GRHL2: variants seen among roughly 807,000 people sequenced by gnomAD.
The protein encoded by GRHL2 is grainyhead like transcription factor 2.
In GRHL2, 21 loss-of-function variants were observed where a neutral mutation model predicts 83.8. The observed-to-expected ratio is 0.25, with a 90% CI of 0.18 to 0.36. The LOEUF (loss-of-function observed/expected upper bound fraction) is 0.36. GRHL2 is among the 10% of genes least tolerant of loss of function. The pLI, the probability that GRHL2 is intolerant of heterozygous loss-of-function variation, is 1.00. For missense variants in GRHL2, 623 were observed against 781.8 expected, an observed-to-expected ratio of 0.80 and a Z score of 2.42; for synonymous variants, 280 against 278.9, an observed-to-expected ratio of 1.00 and a Z score of -0.04.
chr8:101,554,331 T>C lies in GRHL2; in HGVS notation c.284+1549T>C, dbSNP rs543903697. Among the ~76,000 whole-genome samples the C allele has an allele frequency of 3.9e-5, 6 of 152,310 alleles. No homozygotes were observed. In the East Asian group the frequency reaches 7.7e-4, roughly 20 times the overall value. On this transcript the variant is annotated intron_variant, in intron 3 of 15. Transcript: ENST00000646743. ...CTTTTCCTTGACCCAGCCAGTTTTA[T>C]TGAGTTAAACTTGTGCTATCTGCTT...
chr8:101,576,259 G>T (rs1390272473), intron 6 of GRHL2, among the ~76,000 whole-genome samples: 1 of 152,164 alleles, frequency 6.6e-6, no homozygotes, highest in Admixed American at 6.5e-5. Flanking sequence ...TGTCACCCAG[G>T]CTGGAGTACA....
chr8:101,538,520 G>A (rs553093682), intron 1 of GRHL2, among the ~76,000 whole-genome samples: 2 of 152,336 alleles, frequency 1.3e-5, no homozygotes, highest in Non-Finnish European at 2.9e-5. Context: ...TCCAAAGCAG[G>A]ACCTTGGGAT....
chr8:101,516,769 A>G (rs1203997333), intron 1 of GRHL2, among the ~76,000 whole-genome samples: 2 of 152,068 alleles, frequency 1.3e-5, no homozygotes, highest in Non-Finnish European at 2.9e-5. Flanking sequence ...TTGATCTATC[A>G]TTTTACGTAT....
At chr8:101,561,131 A>G (rs1307353608) in intron 4 of GRHL2, among the ~76,000 whole-genome samples, 2 of 150,844 alleles carry the variant, frequency 1.3e-5, no homozygotes, top group African/African-American at 4.9e-5. Flanking sequence ...TCTTTCATGT[A>G]GGTTTCTGAT....
chr8:101,522,107 T>C (rs1238954156), intron 1 of GRHL2, among the ~76,000 whole-genome samples: 2 of 152,156 alleles, frequency 1.3e-5, no homozygotes, highest in Non-Finnish European at 2.9e-5. Context: ...TTTTTTTAAA[T>C]ATATATTTTT....
rs76015200 is a variant in GRHL2, at chr8:101,589,946, G to A, written c.1004-9111G>A. Reference sequence around the variant, plus strand: ...GTAAGTTCTAATCCCAGCCTGGCCCGTTACAAACTGACTGTGGGGGATGGG... The same window carrying A: ...GTAAGTTCTAATCCCAGCCTGGCCCATTACAAACTGACTGTGGGGGATGGG... On this transcript the variant is annotated intron_variant, in intron 7 of 15. Coordinates refer to ENST00000646743, the MANE Select transcript of GRHL2 (RefSeq NM_024915.4). Among the ~76,000 whole-genome samples, 50 of 152,252 alleles carry A rather than the reference G, an allele frequency of 3.3e-4. No homozygotes were observed. In the East Asian group the frequency reaches 5.8e-3, roughly 18 times the overall value.
intron 1 of GRHL2, among the ~76,000 whole-genome samples, chr8:101,535,467 T>G (rs6990671): frequency 6.6e-6 from 1 of 152,134 alleles, no homozygotes; most frequent in African/African-American, 2.4e-5. Flanking sequence ...GGCTTTTTAT[T>G]TGATGGAATG....
At chr8:101,501,747 T>C (rs1810233800) in intron 1 of GRHL2, among the ~76,000 whole-genome samples, 2 of 152,142 alleles carry the variant, frequency 1.3e-5, no homozygotes, top group African/African-American at 4.8e-5. Context: ...AGTGAGCAAG[T>C]ATAGGATTTT....
chr8:101,669,935 G>C (rs4734574), downstream of GRHL2, among the ~76,000 whole-genome samples: 151,463 of 152,324 alleles, frequency 0.99, 75,340 homozygotes, highest in Middle Eastern at 1. Flanking sequence ...TCCAGGGCTT[G>C]TGTGTGACCA....
chr8:101,555,765 G>C (rs1811477730), intron 3 of GRHL2, among the ~76,000 whole-genome samples: 1 of 152,130 alleles, frequency 6.6e-6, no homozygotes, highest in Non-Finnish European at 1.5e-5. Flanking sequence ...TACACATAAA[G>C]TTTTAGATAT....
At position 101,558,563 on chromosome 8, in the gene GRHL2, C is replaced by T. The variant is rs759236330; in HGVS notation, c.429C>T (p.Phe143=). The change falls in exon 4 of 16, where the codon TTC becomes TTT. Residue 143 remains phenylalanine, a synonymous_variant. Transcript: ENST00000646743. ...NSKREQYSIS[F]PESSAIIPVS... Reference sequence around the variant, plus strand: ...AGCGGGAACAGTACAGCATCAGCTTCCCCGAGAGCTCTGCCATCATCCCGG... The same window carrying T: ...AGCGGGAACAGTACAGCATCAGCTTTCCCGAGAGCTCTGCCATCATCCCGG... The T allele has an allele frequency of 5.0e-6, 8 of 1,614,030 alleles. No homozygotes were observed. Among genetic ancestry groups the T allele is most frequent in the Non-Finnish European group, 5.9e-6 (7 of 1,180,026 alleles).
chr8:101,564,812 C>CAA (rs3035637), intron 4 of GRHL2, among the ~76,000 whole-genome samples: 74,477 of 109,596 alleles, frequency 0.68, 25,955 homozygotes, highest in Non-Finnish European at 0.73. Context: ...GCCCTGTCTC[C>CAA]AAAAAAAAAA....
At chr8:101,514,645 G>A (rs1011273569) in intron 1 of GRHL2, among the ~76,000 whole-genome samples, 11 of 152,178 alleles carry the variant, frequency 7.2e-5, no homozygotes, top group African/African-American at 2.4e-4. Context: ...CTGCTCTCCC[G>A]GCAGCTGGAG....
the GRHL2 span, among the ~76,000 whole-genome samples, chr8:101,677,851 G>C: frequency 6.6e-6 from 1 of 152,026 alleles, no homozygotes; most frequent in African/African-American, 2.4e-5. Context: ...TGTGGTCAGC[G>C]TTCACTGTAG....
chr8:101,562,122 A>G, intron 4 of GRHL2: 1 of 659,230 alleles, frequency 1.5e-6, no homozygotes, highest in Non-Finnish European at 2.9e-6. Context: ...CTTCTTTGAT[A>G]TCCTGAACTT....
intron 2 of GRHL2, chr8:101,543,985 C>T (rs1417253990): frequency 5.7e-6 from 1 of 176,858 alleles, no homozygotes; most frequent in African/African-American, 2.4e-5. Flanking sequence ...ATAAAACCAT[C>T]AGATCTTGTG....
intron 8 of GRHL2, among the ~76,000 whole-genome samples, chr8:101,614,886 G>A (rs1256874427): frequency 6.6e-6 from 1 of 152,194 alleles, no homozygotes; most frequent in Non-Finnish European, 1.5e-5. Context: ...ATACCATCAA[G>A]GTACTGAAAC....
At chr8:101,553,589 C>T (rs936121051) in intron 3 of GRHL2, among the ~76,000 whole-genome samples, 1 of 151,784 alleles carries the variant, frequency 6.6e-6, no homozygotes, top group Non-Finnish European at 1.5e-5. Context: ...ACCGAATCAC[C>T]CTGCTCAGCT....
In GRHL2 at chr8:101,666,823, G is replaced by T; in HGVS notation, c.*120G>T. ...CCCCATCTCACAACTGCTGTTACAAGACCGTGCTGGGGAGTGGGGCAAGGG... is the reference window on the plus strand; with the variant it reads ...CCCCATCTCACAACTGCTGTTACAATACCGTGCTGGGGAGTGGGGCAAGGG... On this transcript the variant is annotated 3_prime_UTR_variant, in exon 16 of 16. Coordinates refer to ENST00000646743, the MANE Select transcript of GRHL2 (RefSeq NM_024915.4). 1.4e-6 allele frequency: 1 copy of T among 731,850 alleles called. No homozygotes were observed. The highest frequency in any genetic ancestry group is 1.5e-5 in the South Asian group (1 of 67,640). The allele number at this position is 731,850 out of a possible 1,614,324, so 45.3% of individuals were successfully genotyped here.
Sources: gnomAD v4.1 joint callset for allele counts (sites outside exome capture counted in the v4.1 genomes callset) on GRCh38, gnomAD v4.1.1 for gene constraint, MANE v1.5 for transcripts, NCBI Gene and HGNC (gene_info 2026-07-23, HGNC 2026-07-21) for gene names.